The following MMAA variants were observed in gnomAD, a reference collection of about 807,000 sequenced individuals.
MMAA encodes the protein methylmalonic aciduria type A protein, mitochondrial.
A neutral mutation model predicts 45.0 loss-of-function variants in MMAA; 41 were observed. That is an observed-to-expected ratio of 0.91 (90% CI 0.71 to 1.18). The LOEUF is 1.18. Ranked by LOEUF, MMAA falls within the 50% of genes most tolerant of loss-of-function variation. The pLI, the probability that MMAA is intolerant of heterozygous loss-of-function variation, is 0.00. For synonymous variants in MMAA, 154 were observed against 178.2 expected, an observed-to-expected ratio of 0.86 and a Z score of 1.08; for missense variants, 460 against 495.7, an observed-to-expected ratio of 0.93 and a Z score of 0.68.
intron 1 of MMAA, among the ~76,000 whole-genome samples, chr4:145,632,003 G>A (rs185859446): frequency 6.6e-6 from 1 of 152,264 alleles, no homozygotes; most frequent in Admixed American, 6.5e-5. Flanking sequence ...AGTTATTGTA[G>A]TTATTTTTGA....
intron 2 of MMAA, among the ~76,000 whole-genome samples, chr4:145,641,651 A>C (rs546309324): frequency 3.3e-5 from 5 of 152,166 alleles, no homozygotes; most frequent in African/African-American, 4.8e-5. Flanking sequence ...TACTATTACT[A>C]TATCTATTTT....
chr4:145,636,571 A>C (rs1325713079), intron 1 of MMAA, among the ~76,000 whole-genome samples: 1 of 152,032 alleles, frequency 6.6e-6, no homozygotes, highest in Non-Finnish European at 1.5e-5. Flanking sequence ...GAATTTCTTA[A>C]TTTTCTCTGA....
chr4:145,634,470 T>C (rs1249860273), intron 1 of MMAA, among the ~76,000 whole-genome samples: 1 of 151,958 alleles, frequency 6.6e-6, no homozygotes, highest in Non-Finnish European at 1.5e-5. Flanking sequence ...TGGGCTCCCC[T>C]CTGGCCCAGG....
chr4:145,650,551 C>A (rs1324209425), intron 4 of MMAA: 3 of 163,518 alleles, frequency 1.8e-5, no homozygotes, highest in Admixed American at 5.7e-5. Context: ...TTTTGCCAGG[C>A]CGTAAGGAAG....
In MMAA at chr4:145,648,901, A is replaced by G. The variant is rs188060618; in HGVS notation, c.734-2161A>G. Among the ~76,000 whole-genome samples the G allele has an allele frequency of 3.2e-3, 486 of 152,052 alleles. 1 individual carries two copies. The highest frequency in any genetic ancestry group is 4.4e-3 in the Admixed American group (67 of 15,280). ...CTTGGTAGGCTGAGGTGGGAGGATC[A>G]CCTGAGCCTGGGGAGTCTGAGGCTG... On this transcript the variant is annotated intron_variant, in intron 4 of 6. Coordinates refer to ENST00000649156, the MANE Select transcript of MMAA (RefSeq NM_172250.3).
chr4:145,624,550 A>T (rs1734158118), intron 1 of MMAA: 1 of 1,155,544 alleles, frequency 8.7e-7, no homozygotes, highest in Non-Finnish European at 1.3e-6. Flanking sequence ...ACTTGGAAGG[A>T]ATCAGCAATT....
Position 145,639,387 on chromosome 4 carries a change from A to C in MMAA, c.248A>C (p.Gln83Pro). The change falls in exon 2 of 7, where the codon CAA (glutamine) becomes CCA (proline). Residue 83 changes from glutamine to proline, a missense_variant. Transcript: ENST00000649156. ...ACAGAAGGACTTTCTGATAAAGAGC[A>C]AAGATTTGTGGATAAACTTTATACT... ...DHTEGLSDKE[Q>P]RFVDKLYTGL... The C allele has an allele frequency of 6.2e-7, 1 of 1,614,230 alleles. No homozygotes were observed. The highest frequency in any genetic ancestry group is 8.5e-7 in the Non-Finnish European group (1 of 1,180,040).
chr4:145,627,132 AT>A (rs1395251447), intron 1 of MMAA, among the ~76,000 whole-genome samples: 1 of 152,234 alleles, frequency 6.6e-6, no homozygotes, highest in Non-Finnish European at 1.5e-5. Context: ...AAAGATTGCA[AT>A]TAAATTGTTG....
chr4:145,628,038 C>T (rs922255207), intron 1 of MMAA, among the ~76,000 whole-genome samples: 1 of 152,122 alleles, frequency 6.6e-6, no homozygotes, highest in African/African-American at 2.4e-5. Context: ...TTGAATGTAA[C>T]ACTGATAGTC....
rs746091108 is a variant in MMAA at position 145,658,570 on chromosome 4, C to T, written c.*3136C>T. 3 of 152,052 alleles carry T rather than the reference C, an allele frequency of 2.0e-5. No homozygotes were observed. Among genetic ancestry groups the T allele is most frequent in the East Asian group, 3.9e-4 (2 of 5,170 alleles). 9.4% of individuals were successfully genotyped at this position (152,052 alleles called of 1,614,324 possible). A position where few individuals can be genotyped will look rare whatever the true frequency, so the allele number is the denominator to read the frequency against. ...ACAACCTAACAAGGCATTTTCTCTT[C>T]AGAATCACTCGATCATATGGCCATT... On this transcript the variant is annotated 3_prime_UTR_variant, in exon 7 of 7. Transcript: ENST00000649156.
chr4:145,635,568 C>A (rs1235013604), intron 1 of MMAA, among the ~76,000 whole-genome samples: 2 of 152,224 alleles, frequency 1.3e-5, no homozygotes, highest in African/African-American at 2.4e-5. Context: ...TGCTATCGTG[C>A]TCTGACCCTG....
At chr4:145,624,829 A>C in intron 1 of MMAA, 1 of 1,608,940 alleles carries the variant, frequency 6.2e-7, no homozygotes, top group East Asian at 2.2e-5. Context: ...TCTACCTTAC[A>C]TGGGTCCTGA....
intron 1 of MMAA, among the ~76,000 whole-genome samples, chr4:145,627,721 T>G (rs1397286045): frequency 2.0e-5 from 3 of 152,180 alleles, no homozygotes; most frequent in African/African-American, 7.2e-5. Flanking sequence ...CTATTTGAAC[T>G]GAGTAGGCAT....
At chr4:145,635,819 GA>G (rs1160482798) in intron 1 of MMAA, among the ~76,000 whole-genome samples, 1 of 152,226 alleles carries the variant, frequency 6.6e-6, no homozygotes, top group Non-Finnish European at 1.5e-5. Flanking sequence ...CACTGCAACT[GA>G]AAAGACTTCT....
intron 1 of MMAA, among the ~76,000 whole-genome samples, chr4:145,623,429 G>A (rs890387158): frequency 2.2e-4 from 34 of 152,154 alleles, no homozygotes; most frequent in African/African-American, 8.2e-4. Context: ...AAATAGTCTT[G>A]AAATAATACC....
intron 1 of MMAA, chr4:145,626,078 G>T: frequency 1.2e-6 from 1 of 828,530 alleles, no homozygotes; most frequent in Non-Finnish European, 1.9e-6. Context: ...TGGGGCAGTC[G>T]GAGGGGACCT....
chr4:145,635,113 C>T (rs1420655789), intron 1 of MMAA, among the ~76,000 whole-genome samples: 2 of 152,058 alleles, frequency 1.3e-5, no homozygotes, highest in African/African-American at 4.8e-5. Context: ...TCCACTGGCT[C>T]TGGGCTCAGT....
At chr4:145,631,459 A>G (rs1368099411) in intron 1 of MMAA, among the ~76,000 whole-genome samples, 1 of 151,950 alleles carries the variant, frequency 6.6e-6, no homozygotes, top group Non-Finnish European at 1.5e-5. Context: ...TACAATTTTA[A>G]TTACTCCTGT....
chr4:145,645,900 G>GGAAGT (rs1727916124), intron 3 of MMAA, 86 bp from the exon 4 acceptor site: 3 of 1,272,960 alleles, frequency 2.4e-6, no homozygotes, highest in Non-Finnish European at 3.4e-6. Context: ...AGGGAGAAAT[G>GGAAGT]GCATAAAGCA....
Sources: gnomAD v4.1 joint callset for allele counts (sites outside exome capture counted in the v4.1 genomes callset) on GRCh38, gnomAD v4.1.1 for gene constraint, MANE v1.5 for transcripts, NCBI Gene and HGNC (gene_info 2026-07-23, HGNC 2026-07-21) for gene names.